The following GPRC5D variants were observed in gnomAD, a reference collection of about 807,000 sequenced individuals.
GPRC5D encodes the protein G protein-coupled receptor family C group 5 member D.
A neutral mutation model predicts 29.3 loss-of-function variants in GPRC5D; 20 were observed. That is an observed-to-expected ratio of 0.68 (90% CI 0.48 to 0.99). GPRC5D has a LOEUF of 0.99. Ranked by LOEUF, GPRC5D falls within the 50% of genes least tolerant of loss-of-function variation. GPRC5D has a pLI of 0.00. For missense variants in GPRC5D, 384 were observed against 423.6 expected (o/e 0.91, Z 0.82); for synonymous variants, 178 against 171.3 (o/e 1.04, Z -0.30).
At chr12:12,944,319 A>T (rs1031005107) in intron 1 of GPRC5D, 4 of 152,070 alleles carry the variant, frequency 2.6e-5, no homozygotes, top group Non-Finnish European at 4.4e-5. Context: ...CTGTCCTCAG[A>T]CCAAACAAAT....
At position 12,944,855 on chromosome 12, in the gene GPRC5D, T is replaced by A. The variant is rs1392228570; in HGVS notation, c.896-2527A>T. On this transcript the variant is annotated intron_variant, in intron 1 of 2. Transcript: ENST00000228887. Reference sequence around the variant, plus strand: ...CTTCCTTCCTTCCTTCCTTCCTTCTTTCTTTCTTTCTTTCTTTCTTTCTTT... The same window carrying A: ...CTTCCTTCCTTCCTTCCTTCCTTCTATCTTTCTTTCTTTCTTTCTTTCTTT... Among the ~76,000 whole-genome samples, 7 of 78,924 alleles carry A rather than the reference T, an allele frequency of 8.9e-5. 1 individual carries two copies. The highest frequency in any genetic ancestry group is 3.4e-4 in the African/African-American group (7 of 20,420). 51.8% of individuals were successfully genotyped at this position (78,924 alleles called of 152,430 possible).
intron 1 of GPRC5D, among the ~76,000 whole-genome samples, chr12:12,949,240 T>A (rs147777522): frequency 6.6e-6 from 1 of 152,280 alleles, no homozygotes; most frequent in East Asian, 1.9e-4. Context: ...ACCCTCTTTA[T>A]TTAGGGCCTT....
intron 2 of GPRC5D, 86 bp from the exon 4 acceptor site, chr12:12,940,935 A>G: frequency 2.2e-6 from 2 of 900,182 alleles, no homozygotes; most frequent in African/African-American, 1.6e-5. Context: ...TTTTTGAGAC[A>G]GAGTCTTGCT....
At chr12:12,950,577 C>T (rs1291372), upstream of GPRC5D, 24 of 576,756 alleles carry the variant, frequency 4.2e-5, no homozygotes, top group South Asian at 2.8e-4. Flanking sequence ...AAGGCTGAGG[C>T]GGGCCGATCA....
At chr12:12,943,185 T>G (rs1195754834) in intron 1 of GPRC5D, among the ~76,000 whole-genome samples, 1 of 152,226 alleles carries the variant, frequency 6.6e-6, no homozygotes, top group Non-Finnish European at 1.5e-5. Flanking sequence ...CATAGGTATT[T>G]GTTTAATGGC....
Position 12,950,156 on chromosome 12 carries a change from C to T in GPRC5D, c.229G>A (p.Ala77Thr), listed in dbSNP as rs138218691. 70 of 1,614,030 alleles carry T rather than the reference C, an allele frequency of 4.3e-5. No homozygotes were observed. The highest frequency in any genetic ancestry group is 1.7e-4 in the Admixed American group (10 of 60,012). ...TTGAGCTCGATGATGAAGGCAAAAG[C>T]GAGTCCGAAGAGCCCCAGGACACTC... Residue 77 changes from alanine (A) to threonine (T), a missense_variant, in exon 1 of 3, where the codon GCT becomes ACT. By Grantham distance (58) the Ala-to-Thr change is moderately conservative (BLOSUM62 0). Coordinates refer to ENST00000228887, the Ensembl canonical transcript of GPRC5D.
At chr12:12,945,306 A>G (rs116203707) in intron 1 of GPRC5D, among the ~76,000 whole-genome samples, 99 of 152,214 alleles carry the variant, frequency 6.5e-4, no homozygotes, top group African/African-American at 2.2e-3. Context: ...CGCCGGGCCA[A>G]CGCTTTCAAA....
rs779194611 is a variant in GPRC5D, at chr12:12,942,271, A to G, written c.953T>C (p.Ile318Thr). The G allele has an allele frequency of 3.5e-5, 57 of 1,607,848 alleles. 1 individual carries two copies. In the South Asian group the frequency reaches 6.2e-4, roughly 17 times the overall value. ...GGCGAGTACATTTACCTGCGGCTGA[A>G]TGGGAGTACCATATGAAGTTAATGC... The change falls in exon 2 of 3, where the codon ATT becomes ACT. Residue 318 changes from isoleucine (I) to threonine (T), a missense_variant. Transcript: ENST00000228887.
intron 1 of GPRC5D, among the ~76,000 whole-genome samples, chr12:12,944,850 C>CTTCCTTCCTTCCTTCTTTCTTTCT (rs1565477444): frequency 2.9e-5 from 1 of 34,478 alleles, no homozygotes; most frequent in Non-Finnish European, 5.8e-5. Flanking sequence ...TCCTTCCTTC[C>CTTCCTTCCTTCCTTCTTTCTTTCT]TTCTTTCTTT....
chr12:12,944,246 T>C (rs146720544), intron 1 of GPRC5D: 1 of 152,382 alleles, frequency 6.6e-6, no homozygotes, highest in East Asian at 1.9e-4. Flanking sequence ...GGACCACAGG[T>C]GTGTGCCACT....
chr12:12,943,948 G>C (rs996274956), intron 1 of GPRC5D, among the ~76,000 whole-genome samples: 6 of 152,164 alleles, frequency 3.9e-5, no homozygotes, highest in African/African-American at 1.4e-4. Flanking sequence ...TGTGGAGAAG[G>C]CAGGGAGGGA....
rs117583201 is a variant in GPRC5D, at chr12:12,947,745, C to A, written c.895+1745G>T. On this transcript the variant is annotated intron_variant, in intron 1 of 2. Transcript: ENST00000228887. ...ATGCCCAGCTAATTTTTTGTAGAGA[C>A]GGGGTTTCGCCATGTCGCCCAGGCT... is the stretch of plus-strand genomic sequence containing the variant. 1.2e-3 allele frequency among the ~76,000 whole-genome samples: 189 copies of A among 152,122 alleles called. 1 individual carries two copies. Among genetic ancestry groups the A allele is most frequent in the African/African-American group, 4.3e-3 (179 of 41,496 alleles).
At chr12:12,949,178 C>T (rs907460002) in intron 1 of GPRC5D, among the ~76,000 whole-genome samples, 1 of 152,198 alleles carries the variant, frequency 6.6e-6, no homozygotes, top group African/African-American at 2.4e-5. Flanking sequence ...GGCCAGTTAA[C>T]TCATTTTATA....
intron 1 of GPRC5D, among the ~76,000 whole-genome samples, chr12:12,947,565 T>C (rs1219345790): frequency 7.3e-5 from 10 of 137,458 alleles, no homozygotes; most frequent in African/African-American, 2.2e-4. Context: ...CCCTCCCTTC[T>C]TTCTTTTATT....
intron 1 of GPRC5D, among the ~76,000 whole-genome samples, chr12:12,944,840 TCC>T (rs1565477335): frequency 0.013 from 508 of 39,566 alleles, 44 homozygotes; most frequent in African/African-American, 0.024. Flanking sequence ...CTTCCTTCCT[TCC>T]TTCCTTCCTT....
chr12:12,942,579 A>T (rs1424025569), intron 1 of GPRC5D, among the ~76,000 whole-genome samples: 1 of 152,208 alleles, frequency 6.6e-6, no homozygotes, highest in African/African-American at 2.4e-5. Flanking sequence ...CACTAAAAAT[A>T]CAAAAATTAG....
At chr12:12,950,884 C>A (rs1255792960), upstream of GPRC5D, among the ~76,000 whole-genome samples, 1 of 151,626 alleles carries the variant, frequency 6.6e-6, no homozygotes, top group Non-Finnish European at 1.5e-5. Context: ...GTGGGTGGAT[C>A]ACTTGAAGTC....
At chr12:12,944,808 TC>T (rs1565477025) in intron 1 of GPRC5D, among the ~76,000 whole-genome samples, 1 of 8,114 alleles carries the variant, frequency 1.2e-4, no homozygotes, top group Non-Finnish European at 4.4e-4. Context: ...TTCCCTTCCT[TC>T]CTTCCTTCCT....
intron 1 of GPRC5D, 73 bp from the exon 3 acceptor site, chr12:12,942,401 GAAAACTCCATGGCTTGC>G: frequency 1.1e-6 from 1 of 925,926 alleles, no homozygotes; most frequent in Admixed American, 1.8e-5. Context: ...AGGACTACAG[GAAAACTCCATGGCTTGC>G]AAACAGGCTC....
Sources: allele counts gnomAD v4.1 joint callset (sites outside exome capture counted in the v4.1 genomes callset), GRCh38; gene constraint gnomAD v4.1.1; transcripts MANE v1.5; gene names NCBI Gene and HGNC (gene_info 2026-07-23, HGNC 2026-07-21).